PFKFB4: variants seen among roughly 807,000 people sequenced by gnomAD.
PFKFB4 encodes the protein 6-phosphofructo-2-kinase/fructose-2,6-biphosphatase 4, also known as 6-phosphofructo-2-kinase/fructose-2,6-bisphosphatase 4.
A neutral mutation model predicts 62.8 loss-of-function variants in PFKFB4; 42 were observed. That is an observed-to-expected ratio of 0.67 (90% confidence interval 0.52 to 0.86). The LOEUF is 0.86. PFKFB4 is among the 40% of genes least tolerant of loss of function. The probability of loss-of-function intolerance (pLI) is 0.00; values close to 1 mark genes in which losing one functional copy is unlikely to be tolerated. For synonymous variants in PFKFB4, 204 were observed against 240.7 expected, an observed-to-expected ratio of 0.85 and a Z score of 1.41; for missense variants, 475 against 627.2, an observed-to-expected ratio of 0.76 and a Z score of 2.59.
chr3:48,525,722 TG>T, intron 9 of PFKFB4, 53 bp from the exon 10 acceptor site: 1 of 903,938 alleles, frequency 1.1e-6, no homozygotes, highest in Non-Finnish European at 1.7e-6. Flanking sequence ...AGATGAGCCT[TG>T]GGGACATGTG....
At chr3:48,558,832 C>A (rs532537771), upstream of PFKFB4, among the ~76,000 whole-genome samples, 7 of 152,336 alleles carry the variant, frequency 4.6e-5, no homozygotes, top group South Asian at 1.4e-3. Flanking sequence ...TGACCTGCTC[C>A]CTACTTCTCC....
chr3:48,556,552 C>T lies in PFKFB4; in HGVS notation c.97+129G>A. The T allele has an allele frequency of 7.0e-6, 8 of 1,142,824 alleles. No homozygotes were observed. The highest frequency in any genetic ancestry group is 1.6e-5 in the South Asian group (1 of 64,494). The allele number at this position is 1,142,824 out of a possible 1,614,324, so 70.8% of individuals were successfully genotyped here. ...CTGTCCCCAGCAGCCTCCCCAGTCA[C>T]GGCAACCTCACCTGTCCCCGGTTCC... On this transcript the variant is annotated intron_variant, in intron 1 of 13. Transcript: ENST00000232375. This position sits in a 1 kb window ranked among gnomAD's most constrained non-coding sequence, Gnocchi z 5.7.
upstream of PFKFB4, among the ~76,000 whole-genome samples, chr3:48,560,629 G>A (rs2043417812): frequency 6.6e-6 from 1 of 152,234 alleles, no homozygotes. Context: ...GACTGGCACA[G>A]GGCACACAGC....
chr3:48,563,012 G>A (rs766923243), upstream of PFKFB4: 43 of 1,611,134 alleles, frequency 2.7e-5, no homozygotes, highest in South Asian at 4.5e-4. The surrounding 1 kb of genome is among the most constrained non-coding windows in gnomAD (Gnocchi z 4.5). Context: ...TCGGGGAGTG[G>A]TCTGGGGAGA....
chr3:48,544,019 TATTTA>T (rs2042883611), intron 3 of PFKFB4, among the ~76,000 whole-genome samples: 1 of 143,022 alleles, frequency 7.0e-6, no homozygotes, highest in African/African-American at 2.5e-5. Flanking sequence ...TTTATTTATT[TATTTA>T]TTTTTTTTGA....
chr3:48,535,906 C>T (rs2042587579), intron 8 of PFKFB4, among the ~76,000 whole-genome samples: 1 of 152,220 alleles, frequency 6.6e-6, no homozygotes, highest in Non-Finnish European at 1.5e-5. Context: ...GCCACTGCCT[C>T]CCCACAACCA....
rs1446099625 is a variant in PFKFB4, at chr3:48,519,443, C to T, written c.*304G>A. Reference sequence around the variant, plus strand: ...CACTTCACAAAGCCAACTGAGCTGGCGAGAGTGAACACCTAAGAGCTGCGC... The same window carrying T: ...CACTTCACAAAGCCAACTGAGCTGGTGAGAGTGAACACCTAAGAGCTGCGC... On this transcript the variant is annotated 3_prime_UTR_variant, in exon 14 of 14. Transcript: ENST00000232375. The T allele has an allele frequency of 2.6e-5, 10 of 383,556 alleles. No individual in the cohort carries two copies. Among genetic ancestry groups the T allele is most frequent in the Middle Eastern group, 7.1e-4 (1 of 1,402 alleles). The allele number at this position is 383,556 out of a possible 1,614,324, so 23.8% of individuals were successfully genotyped here. A position where few individuals can be genotyped will look rare whatever the true frequency, so the allele number is the denominator to read the frequency against.
upstream of PFKFB4, chr3:48,561,803 A>T (rs2043436695): frequency 6.6e-6 from 1 of 152,150 alleles, no homozygotes. This position sits in a 1 kb window ranked among gnomAD's most constrained non-coding sequence, Gnocchi z 5.2. Flanking sequence ...CACAATGCTC[A>T]CAGGCTTGCT....
chr3:48,562,465 G>A (rs9839959), upstream of PFKFB4: 12,402 of 380,854 alleles, frequency 0.033, 998 homozygotes, highest in African/African-American at 0.2. This position sits in a 1 kb window ranked among gnomAD's most constrained non-coding sequence, Gnocchi z 4.3. Context: ...GTGACCTTAC[G>A]TGGCAGCATC....
Position 48,556,701 on chromosome 3 carries a change from A to G in PFKFB4, c.77T>C (p.Leu26Pro), listed in dbSNP as rs2043334359. ...WMPYSNGRPA[L>P]HACQRGVCMT... ...CTCACCACCGCGCTGGCAAGCGTGCAGAGCGGGCCGCCCATTGCTGTATGG... is the reference window on the plus strand; with the variant it reads ...CTCACCACCGCGCTGGCAAGCGTGCGGAGCGGGCCGCCCATTGCTGTATGG... The change falls in exon 1 of 14, where the codon CTG (leucine) becomes CCG (proline). Residue 26 changes from leucine (L) to proline (P), a missense_variant. Leu to Pro is a moderately conservative substitution (Grantham distance 98). Transcript: ENST00000232375. This position sits in a 1 kb window ranked among gnomAD's most constrained non-coding sequence, Gnocchi z 5.7. 2 of 1,584,358 alleles carry G rather than the reference A, an allele frequency of 1.3e-6. No individual in the cohort carries two copies. The highest frequency in any genetic ancestry group is 2.7e-5 in the African/African-American group (2 of 73,062).
intron 8 of PFKFB4, 98 bp downstream of exon 8, chr3:48,536,158 A>T (rs1398964552): frequency 1.0e-6 from 1 of 996,282 alleles, no homozygotes; most frequent in Non-Finnish European, 1.5e-6. Context: ...CATTAAAAGA[A>T]TGGGAGCCTA....
chr3:48,541,086 A>ATT (rs763161680), intron 4 of PFKFB4, among the ~76,000 whole-genome samples: 3 of 128,376 alleles, frequency 2.3e-5, no homozygotes, highest in East Asian at 2.3e-4. Flanking sequence ...CATCTGGCTA[A>ATT]TTTTTTTTTT....
chr3:48,539,736 T>C lies in PFKFB4; in HGVS notation c.414A>G (p.Arg138=). The C allele has an allele frequency of 6.2e-7, 1 of 1,613,790 alleles. No homozygotes were observed. Among genetic ancestry groups the C allele is most frequent in the East Asian group, 2.2e-5 (1 of 44,862 alleles). The change falls in exon 5 of 14, where the codon AGA becomes AGG. Residue 138 remains arginine, a synonymous_variant. Transcript: ENST00000232375. ...GTTCTCCAAAATTAAAGATGGTCGC[T>C]CTCCGTTCTCGGGTGGTGTTTGTGG... ...FDATNTTRER[R]ATIFNFGEQN...
upstream of PFKFB4, chr3:48,556,994 T>G: frequency 7.3e-7 from 1 of 1,374,678 alleles, no homozygotes; most frequent in Non-Finnish European, 9.4e-7. This position sits in a 1 kb window ranked among gnomAD's most constrained non-coding sequence, Gnocchi z 5.7. Context: ...TACCCGCCCG[T>G]TTTGGAACAA....
At chr3:48,536,549 C>T (rs928941895) in intron 7 of PFKFB4, 86 bp from the exon 8 acceptor site, 29 of 1,039,750 alleles carry the variant, frequency 2.8e-5, no homozygotes, top group Non-Finnish European at 3.3e-5. Flanking sequence ...AATCTAGCTG[C>T]GAGGCCTTGC....
chr3:48,523,446 C>T (rs2042158325), intron 12 of PFKFB4, 91 bp downstream of exon 12: 11 of 1,306,192 alleles, frequency 8.4e-6, no homozygotes, highest in Non-Finnish European at 1.2e-5. Flanking sequence ...GCTCCTAACA[C>T]AATTTTCAAG....
At chr3:48,527,990 G>A (rs1369968876) in intron 9 of PFKFB4, among the ~76,000 whole-genome samples, 1 of 151,906 alleles carries the variant, frequency 6.6e-6, no homozygotes, top group African/African-American at 2.4e-5. Context: ...CGCCCGGCCA[G>A]CTTCCACCAT....
chr3:48,524,197 C>G (rs1279504647), intron 10 of PFKFB4, among the ~76,000 whole-genome samples: 1 of 152,196 alleles, frequency 6.6e-6, no homozygotes, highest in Non-Finnish European at 1.5e-5. Flanking sequence ...AGTGCACTGA[C>G]AAGAGCGAAG....
At chr3:48,542,478 G>C (rs568309467) in intron 4 of PFKFB4, among the ~76,000 whole-genome samples, 31 of 152,140 alleles carry the variant, frequency 2.0e-4, no homozygotes, top group African/African-American at 7.5e-4. Flanking sequence ...TGCCAGAAAG[G>C]GGCAGAGGTG....
Sources: gnomAD v4.1 joint callset for allele counts (sites outside exome capture counted in the v4.1 genomes callset) on GRCh38, gnomAD v4.1.1 for gene constraint, Gnocchi (gnomAD v3.1) non-coding constraint, MANE v1.5 for transcripts, NCBI Gene and HGNC (gene_info 2026-07-23, HGNC 2026-07-21) for gene names.